CR1L: variants seen among roughly 807,000 people sequenced by gnomAD.
CR1L encodes complement component receptor 1-like protein.
CR1L carries 59 observed loss-of-function variants against 62.3 expected under a neutral mutation model. That is an observed-to-expected ratio of 0.95 (90% CI 0.77 to 1.18). The LOEUF (loss-of-function observed/expected upper bound fraction) is 1.18. CR1L is among the 50% of genes most tolerant of loss of function. The probability of loss-of-function intolerance (pLI) is 0.00; values close to 1 mark genes in which losing one functional copy is unlikely to be tolerated. For synonymous variants in CR1L, 279 were observed against 248.7 expected (o/e 1.12, Z -1.15); for missense variants, 700 against 702.8 (o/e 1.00, Z 0.04).
intron 1 of CR1L, among the ~76,000 whole-genome samples, chr1:207,671,212 T>C (rs1156606012): frequency 3.3e-5 from 5 of 150,868 alleles, no homozygotes; most frequent in Non-Finnish European, 7.3e-5. Context: ...GGGTAGTGCA[T>C]GTGACAGCGT....
chr1:207,678,717 G>A (rs532926196), intron 3 of CR1L, among the ~76,000 whole-genome samples: 90 of 152,256 alleles, frequency 5.9e-4, no homozygotes, highest in African/African-American at 2.0e-3. Context: ...CAAAACAGGC[G>A]GCTTAATACA....
chr1:207,688,797 A>G (rs1186072349), intron 4 of CR1L, among the ~76,000 whole-genome samples: 1 of 152,034 alleles, frequency 6.6e-6, no homozygotes, highest in Non-Finnish European at 1.5e-5. Flanking sequence ...TACATCTTTC[A>G]TTATCTTTAT....
chr1:207,665,543 C>T (rs781348949), intron 1 of CR1L, among the ~76,000 whole-genome samples: 4 of 151,986 alleles, frequency 2.6e-5, no homozygotes, highest in South Asian at 2.1e-4. Flanking sequence ...ATTACAGGTG[C>T]GACACCATGC....
At chr1:207,677,158 C>T (rs1315949659) in intron 1 of CR1L, among the ~76,000 whole-genome samples, 2 of 151,666 alleles carry the variant, frequency 1.3e-5, no homozygotes, top group Non-Finnish European at 2.9e-5. Flanking sequence ...CTTGTTTCTA[C>T]TAAAAATTCA....
chr1:207,660,956 C>T (rs9727645), intron 1 of CR1L, among the ~76,000 whole-genome samples: 72,016 of 151,938 alleles, frequency 0.47, 17,615 homozygotes, highest in African/African-American at 0.59. Context: ...TGAGCTGTTT[C>T]GAGTGAGTTT....
intron 1 of CR1L, among the ~76,000 whole-genome samples, chr1:207,666,517 A>G (rs1171286850): frequency 6.6e-6 from 1 of 152,262 alleles, no homozygotes; most frequent in Non-Finnish European, 1.5e-5. Context: ...AATACTATGC[A>G]GCCATAAAAA....
intron 3 of CR1L, among the ~76,000 whole-genome samples, chr1:207,683,575 C>G (rs949398129): frequency 6.6e-6 from 1 of 152,114 alleles, no homozygotes; most frequent in African/African-American, 2.4e-5. Context: ...ACTCAAGAAG[C>G]TTGTGTTGTC....
chr1:207,694,955 A>G (rs1558021028), intron 5 of CR1L, among the ~76,000 whole-genome samples: 2 of 152,202 alleles, frequency 1.3e-5, no homozygotes, highest in African/African-American at 4.8e-5. Flanking sequence ...TGGACAAGGA[A>G]CGTGATGTTT....
At chr1:207,699,334 C>T in intron 8 of CR1L, 60 bp downstream of exon 8, 1 of 1,586,974 alleles carries the variant, frequency 6.3e-7, no homozygotes, top group Non-Finnish European at 8.6e-7. Flanking sequence ...CAGTATTTGA[C>T]CCATGACCTC....
At chr1:207,645,424 T>C in intron 1 of CR1L, 94 bp downstream of exon 1, 2 of 1,374,592 alleles carry the variant, frequency 1.5e-6, no homozygotes, top group Non-Finnish European at 2.1e-6. Flanking sequence ...TCACTGCACG[T>C]CGTGCCTGCT....
intron 1 of CR1L, among the ~76,000 whole-genome samples, chr1:207,660,313 T>G (rs1448395586): frequency 2.6e-5 from 4 of 152,228 alleles, no homozygotes; most frequent in Non-Finnish European, 4.4e-5. Context: ...CCCTCTAGGA[T>G]GAAGCTTCCA....
intron 4 of CR1L, among the ~76,000 whole-genome samples, chr1:207,684,369 G>T (rs1475590427): frequency 6.6e-6 from 1 of 152,086 alleles, no homozygotes. Flanking sequence ...CTCTTGAAAG[G>T]CCCCATGCAC....
intron 11 of CR1L, among the ~76,000 whole-genome samples, chr1:207,720,871 T>C (rs1654120908): frequency 6.6e-6 from 1 of 152,190 alleles, no homozygotes; most frequent in Non-Finnish European, 1.5e-5. Flanking sequence ...CATTACCCAG[T>C]GTCCCATTCA....
intron 3 of CR1L, among the ~76,000 whole-genome samples, chr1:207,681,718 A>C (rs1358372111): frequency 1.3e-5 from 2 of 152,200 alleles, no homozygotes; most frequent in Non-Finnish European, 2.9e-5. Flanking sequence ...GAAAATCAAA[A>C]AGAACACTTT....
intron 10 of CR1L, among the ~76,000 whole-genome samples, chr1:207,712,810 G>A (rs1159094352): frequency 6.6e-6 from 1 of 152,196 alleles, no homozygotes; most frequent in Non-Finnish European, 1.5e-5. Flanking sequence ...ATGGCCGTGT[G>A]CTGTTTCCAC....
At chr1:207,714,295 C>A in intron 10 of CR1L, among the ~76,000 whole-genome samples, 1 of 152,116 alleles carries the variant, frequency 6.6e-6, no homozygotes, top group Non-Finnish European at 1.5e-5. Flanking sequence ...AAAGCCACCA[C>A]TCAAAGGTGG....
At chr1:207,715,481 A>G in intron 10 of CR1L, 3 of 798,682 alleles carry the variant, frequency 3.8e-6, no homozygotes, top group Non-Finnish European at 6.0e-6. Context: ...ACTTGTCTGG[A>G]TCTTTACTTA....
intron 1 of CR1L, chr1:207,652,655 T>G: frequency 9.3e-7 from 1 of 1,076,796 alleles, no homozygotes; most frequent in South Asian, 1.2e-5. Flanking sequence ...AAAGGACACT[T>G]CTACGTACCT....
chr1:207,660,940 T>C (rs1024660009), intron 1 of CR1L, among the ~76,000 whole-genome samples: 2 of 152,244 alleles, frequency 1.3e-5, no homozygotes, highest in African/African-American at 2.4e-5. Flanking sequence ...TCAGTTTCCA[T>C]GTAGTTGAGC....
Sources: allele counts gnomAD v4.1 joint callset (sites outside exome capture counted in the v4.1 genomes callset), GRCh38; gene constraint gnomAD v4.1.1; transcripts MANE v1.5; gene names NCBI Gene and HGNC (gene_info 2026-07-23, HGNC 2026-07-21).